The following RALYL variants were observed in gnomAD, a reference collection of about 807,000 sequenced individuals.
RALYL encodes the protein RALY RNA binding protein like.
Under a neutral mutation model 35.1 loss-of-function variants are expected in RALYL, and 29 were observed. The observed-to-expected ratio is 0.83, with a 90% CI of 0.61 to 1.13. The LOEUF is 1.13. RALYL is among the 50% of genes most tolerant of loss of function. The probability of loss-of-function intolerance (pLI) is 0.00; values close to 1 mark genes in which losing one functional copy is unlikely to be tolerated. For synonymous variants in RALYL, 120 were observed against 127.6 expected (o/e 0.94, Z 0.40); for missense variants, 359 against 360.4 (o/e 1.00, Z 0.03).
At position 84,525,953 on chromosome 8, in the gene RALYL, C is replaced by CTT. The variant is rs35794329; in HGVS notation, c.-23-3325_-23-3324dup. ...ACTTCTATTTTCTCTTTTCTTTTTT[C>CTT]TTTTTTTTTTTTTTTTTTTTTTGAG... On this transcript the variant is annotated intron_variant, in intron 1 of 8. Transcript: ENST00000521268. Among the ~76,000 whole-genome samples, 448 of 104,664 alleles carry CTT rather than the reference C, an allele frequency of 4.3e-3. 2 individuals carry two copies. The highest frequency in any genetic ancestry group is 4.8e-3 in the Non-Finnish European group (255 of 53,652). 68.7% of individuals were successfully genotyped at this position (104,664 alleles called of 152,430 possible). A position where few individuals can be genotyped will look rare whatever the true frequency, so the allele number is the denominator to read the frequency against.
At chr8:84,508,437 C>A (rs2057350200) in intron 1 of RALYL, among the ~76,000 whole-genome samples, 1 of 152,088 alleles carries the variant, frequency 6.6e-6, no homozygotes, top group Non-Finnish European at 1.5e-5. Flanking sequence ...CTGTAAAAAA[C>A]AGCACCAACA....
At chr8:84,566,053 T>C (rs2061760452) in intron 2 of RALYL, among the ~76,000 whole-genome samples, 1 of 151,560 alleles carries the variant, frequency 6.6e-6, no homozygotes, top group South Asian at 2.1e-4. Context: ...ATTTGGCTAC[T>C]AGTATCCTTT....
intron 2 of RALYL, among the ~76,000 whole-genome samples, chr8:84,727,399 C>A (rs533912750): frequency 3.3e-5 from 5 of 152,192 alleles, no homozygotes; most frequent in African/African-American, 1.2e-4. Context: ...AATCAAAAAA[C>A]AAAACAACAA....
chr8:84,289,752 T>G (rs77106492), intron 1 of RALYL, among the ~76,000 whole-genome samples: 3,947 of 152,264 alleles, frequency 0.026, 97 homozygotes, highest in Non-Finnish European at 0.029. Context: ...TTTCCAGGAC[T>G]TGCCATTTTG....
intron 3 of RALYL, among the ~76,000 whole-genome samples, chr8:84,776,612 T>G (rs567548829): frequency 1.3e-5 from 2 of 152,262 alleles, no homozygotes; most frequent in East Asian, 3.9e-4. Context: ...ATGCAGAACA[T>G]TTGAAAAGTC....
chr8:84,379,561 A>G (rs1000775362), intron 1 of RALYL, among the ~76,000 whole-genome samples: 2 of 151,964 alleles, frequency 1.3e-5, no homozygotes, highest in Admixed American at 1.3e-4. Context: ...AGATGATAGC[A>G]TATAAAACAA....
chr8:84,418,962 C>A (rs1055475309), intron 1 of RALYL, among the ~76,000 whole-genome samples: 1 of 152,016 alleles, frequency 6.6e-6, no homozygotes, highest in South Asian at 2.1e-4. Context: ...CCTAATAATT[C>A]CCAACATTTT....
chr8:84,359,665 T>G (rs1245819890), intron 1 of RALYL, among the ~76,000 whole-genome samples: 1 of 152,050 alleles, frequency 6.6e-6, no homozygotes, highest in African/African-American at 2.4e-5. Context: ...TTAATGCTTT[T>G]AAAATCTGAA....
At chr8:84,648,273 G>T (rs1214962824) in intron 2 of RALYL, among the ~76,000 whole-genome samples, 2 of 152,058 alleles carry the variant, frequency 1.3e-5, no homozygotes, top group African/African-American at 4.8e-5. Context: ...GATTCCACAG[G>T]TGCCACATAA....
At chr8:84,598,899 A>G (rs979344454) in intron 2 of RALYL, among the ~76,000 whole-genome samples, 13 of 152,120 alleles carry the variant, frequency 8.5e-5, no homozygotes, top group Non-Finnish European at 1.9e-4. Flanking sequence ...TGCTGTTTTC[A>G]ATAGTGGTTC....
chr8:84,717,292 A>G (rs972602567), intron 2 of RALYL, among the ~76,000 whole-genome samples: 2 of 152,230 alleles, frequency 1.3e-5, no homozygotes, highest in African/African-American at 4.8e-5. Flanking sequence ...CTTATATATT[A>G]GAAACAGTTG....
At chr8:84,403,094 T>C (rs1203057216) in intron 1 of RALYL, among the ~76,000 whole-genome samples, 1 of 152,196 alleles carries the variant, frequency 6.6e-6, no homozygotes, top group Non-Finnish European at 1.5e-5. Flanking sequence ...GCAAAAATTT[T>C]CTCCCATTCT....
chr8:84,517,897 T>A (rs897983757), intron 1 of RALYL, among the ~76,000 whole-genome samples: 3 of 152,132 alleles, frequency 2.0e-5, no homozygotes, highest in African/African-American at 4.8e-5. Context: ...TCACCATTTT[T>A]AAAATAAAGA....
intron 1 of RALYL, among the ~76,000 whole-genome samples, chr8:84,435,450 A>G (rs568889693): frequency 6.6e-6 from 1 of 152,284 alleles, no homozygotes; most frequent in Admixed American, 6.5e-5. Context: ...ACAACACTAA[A>G]TAATTAGTAG....
Position 84,436,175 on chromosome 8 carries a change from T to G in RALYL, c.-23-93124T>G, listed in dbSNP as rs533761883. On this transcript the variant is annotated intron_variant, in intron 1 of 8. Coordinates refer to ENST00000521268, the MANE Select transcript of RALYL (RefSeq NM_173848.7). ...AGGCAATTTGAAGAAGATTAAATATTATTAAATACTCTAGATGATTCTGAT... is the reference window on the plus strand; with the variant it reads ...AGGCAATTTGAAGAAGATTAAATATGATTAAATACTCTAGATGATTCTGAT... Among the ~76,000 whole-genome samples, 8 of 152,210 alleles carry G rather than the reference T, an allele frequency of 5.3e-5. No individual in the cohort carries two copies. In the East Asian group the frequency reaches 7.7e-4, roughly 15 times the overall value.
chr8:84,571,056 G>A (rs894586626), intron 2 of RALYL, among the ~76,000 whole-genome samples: 30 of 151,454 alleles, frequency 2.0e-4, no homozygotes, highest in African/African-American at 7.3e-4. Flanking sequence ...CTAGTATTTT[G>A]TTGAGGAGTT....
intron 2 of RALYL, among the ~76,000 whole-genome samples, chr8:84,635,690 C>A (rs1249129309): frequency 1.3e-5 from 2 of 151,556 alleles, no homozygotes; most frequent in Non-Finnish European, 3.0e-5. Flanking sequence ...TTCTTTAGAT[C>A]CAGGAGATAT....
At chr8:84,900,632 T>G in intron 8 of RALYL, among the ~76,000 whole-genome samples, 1 of 151,860 alleles carries the variant, frequency 6.6e-6, no homozygotes, top group Non-Finnish European at 1.5e-5. Flanking sequence ...TGAGCCAAGA[T>G]TGCACCACTG....
chr8:84,290,924 CT>C (rs1563677599), intron 1 of RALYL, among the ~76,000 whole-genome samples: 1 of 152,122 alleles, frequency 6.6e-6, no homozygotes, highest in Non-Finnish European at 1.5e-5. Context: ...TTTCAGATCT[CT>C]AATACTTTTG....
Sources: gnomAD v4.1 joint callset for allele counts (sites outside exome capture counted in the v4.1 genomes callset) on GRCh38, gnomAD v4.1.1 for gene constraint, MANE v1.5 for transcripts, NCBI Gene and HGNC (gene_info 2026-07-23, HGNC 2026-07-21) for gene names.